SPHKAP: variants seen among roughly 807,000 people sequenced by gnomAD.
SPHKAP encodes A-kinase anchor protein SPHKAP.
SPHKAP carries 67 observed loss-of-function variants against 137.5 expected under a neutral mutation model. The ratio of observed to expected loss-of-function variants is 0.49; its 90% confidence interval spans 0.40 to 0.60. The LOEUF is 0.60. Ranked by LOEUF, SPHKAP falls within the 20% of genes least tolerant of loss-of-function variation. SPHKAP has a pLI of 0.00. For synonymous variants in SPHKAP, 813 were observed against 785.3 expected (o/e 1.04, Z -0.59); for missense variants, 2,097 against 2,069.3 (o/e 1.01, Z -0.26).
chr2:228,050,009 C>T (rs1337951920), intron 3 of SPHKAP, among the ~76,000 whole-genome samples: 2 of 151,762 alleles, frequency 1.3e-5, no homozygotes, highest in African/African-American at 2.4e-5. Flanking sequence ...AACAAATAAC[C>T]CCATTAAAAA....
Position 228,092,490 on chromosome 2 carries a change from TGCCATATATATGTATAC to T in SPHKAP, c.246+16325_246+16341del, listed in dbSNP as rs1449955814. Among the ~76,000 whole-genome samples the T allele has an allele frequency of 6.1e-3, 385 of 62,800 alleles. 31 individuals are homozygous for T. The highest frequency in any genetic ancestry group is 0.022 in the African/African-American group (341 of 15,714). The allele number at this position is 62,800 out of a possible 152,430, so 41.2% of individuals were successfully genotyped here. A position where few individuals can be genotyped will look rare whatever the true frequency, so the allele number is the denominator to read the frequency against. ...TGCCATATATATGTATACATATATG[TGCCATATATATGTATAC>T]ATATATGTGCCATATATATGTATAC... On this transcript the variant is annotated intron_variant, in intron 3 of 11. Transcript: ENST00000392056.
At chr2:228,163,428 A>C (rs1700333253) in intron 1 of SPHKAP, among the ~76,000 whole-genome samples, 1 of 152,158 alleles carries the variant, frequency 6.6e-6, no homozygotes, top group African/African-American at 2.4e-5. Context: ...AATAGCTTTT[A>C]TGTTCACTAT....
intron 3 of SPHKAP, among the ~76,000 whole-genome samples, chr2:228,070,392 T>C (rs1274512000): frequency 6.6e-6 from 1 of 152,078 alleles, no homozygotes; most frequent in Non-Finnish European, 1.5e-5. Flanking sequence ...GCAGGCATAG[T>C]TGGTGTAACT....
At chr2:228,179,525 A>G (rs1169444310) in intron 1 of SPHKAP, among the ~76,000 whole-genome samples, 1 of 152,212 alleles carries the variant, frequency 6.6e-6, no homozygotes, top group Non-Finnish European at 1.5e-5. Flanking sequence ...GTTAATTTAC[A>G]TGATTAAGAA....
intron 3 of SPHKAP, among the ~76,000 whole-genome samples, chr2:228,048,997 G>A (rs975911476): frequency 2.0e-5 from 3 of 152,096 alleles, no homozygotes; most frequent in Non-Finnish European, 4.4e-5. Context: ...AACCTAGACC[G>A]GGAAAGGGAG....
At chr2:228,035,529 T>G (rs2106247781) in intron 3 of SPHKAP, among the ~76,000 whole-genome samples, 1 of 152,196 alleles carries the variant, frequency 6.6e-6, no homozygotes, top group African/African-American at 2.4e-5. Context: ...TGGAAAAAAC[T>G]ACTTTAAAGT....
chr2:228,132,388 G>T, intron 1 of SPHKAP: 1 of 225,668 alleles, frequency 4.4e-6, no homozygotes, highest in Non-Finnish European at 7.4e-6. Flanking sequence ...TCTTAAGCAA[G>T]CAGCTTTAAA....
intron 2 of SPHKAP, among the ~76,000 whole-genome samples, chr2:228,113,322 T>G (rs1271290774): frequency 6.6e-6 from 1 of 152,142 alleles, no homozygotes; most frequent in Non-Finnish European, 1.5e-5. Flanking sequence ...TTATCTGAAT[T>G]AAATTTCTAG....
At chr2:228,162,035 A>T (rs1435194186) in intron 1 of SPHKAP, among the ~76,000 whole-genome samples, 1 of 152,234 alleles carries the variant, frequency 6.6e-6, no homozygotes, top group Non-Finnish European at 1.5e-5. Context: ...GTCAATAGAA[A>T]ATAGAAGGCA....
rs748918142 is a variant in SPHKAP, at chr2:228,019,504, G to A, written c.1350C>T (p.Ile450=). ...VSRSWNELPK[I]VVVQSPDGSD... ...TGCCATCTGGACTCTGAACAACGACGATTTTGGGGAGCTCATTCCATGACC... is the reference window on the plus strand; with the variant it reads ...TGCCATCTGGACTCTGAACAACGACAATTTTGGGGAGCTCATTCCATGACC... Residue 450 remains isoleucine, a synonymous_variant, in exon 7 of 12, where the codon ATC becomes ATT. Transcript: ENST00000392056. 6.2e-6 allele frequency: 10 copies of A among 1,614,146 alleles called. No homozygotes were observed. Among genetic ancestry groups the A allele is most frequent in the East Asian group, 4.5e-5 (2 of 44,870 alleles).
intron 1 of SPHKAP, among the ~76,000 whole-genome samples, chr2:228,164,823 T>A (rs1294525642): frequency 6.6e-6 from 1 of 152,200 alleles, no homozygotes; most frequent in Non-Finnish European, 1.5e-5. Context: ...CTCTTCCTCA[T>A]GAGAATGCAC....
intron 7 of SPHKAP, among the ~76,000 whole-genome samples, chr2:228,011,373 G>A (rs1694360284): frequency 6.6e-6 from 1 of 152,086 alleles, no homozygotes; most frequent in South Asian, 2.1e-4. Flanking sequence ...CTCATTTCCT[G>A]GTTTCCACTA....
At chr2:228,151,105 C>T (rs1699915248) in intron 1 of SPHKAP, among the ~76,000 whole-genome samples, 1 of 145,788 alleles carries the variant, frequency 6.9e-6, no homozygotes, top group Non-Finnish European at 1.5e-5. Flanking sequence ...CACCACAGTC[C>T]CCAGAGTGTG....
chr2:228,063,571 C>T (rs1020667135), intron 3 of SPHKAP, among the ~76,000 whole-genome samples: 11 of 152,152 alleles, frequency 7.2e-5, no homozygotes, highest in Non-Finnish European at 4.4e-5. Context: ...AAAGTTGTAA[C>T]TGGACAATAT....
intron 4 of SPHKAP, among the ~76,000 whole-genome samples, 154 bp from the exon 5 acceptor site, chr2:228,025,682 G>T (rs189306228): frequency 6.6e-6 from 1 of 152,196 alleles, no homozygotes; most frequent in East Asian, 1.9e-4. Flanking sequence ...TTTATAAAAT[G>T]GAAGCATGCA....
chr2:228,181,174 G>A lies in SPHKAP; in HGVS notation c.32+393C>T, dbSNP rs375262451. The stretch of plus-strand genomic sequence containing the variant: ...AAGCGGGGGTACTTTGCCCTAGCCC[G>A]GTTCCCTCCTGTTTTAGACCTTGGA... On this transcript the variant is annotated intron_variant, in intron 1 of 11. Coordinates refer to ENST00000392056, the MANE Select transcript of SPHKAP (RefSeq NM_001142644.2). The surrounding 1 kb of genome is among the most constrained non-coding windows in gnomAD (Gnocchi z 4.3). Among the ~76,000 whole-genome samples the A allele has an allele frequency of 9.2e-5, 14 of 152,136 alleles. No individual in the cohort carries two copies. The highest frequency in any genetic ancestry group is 2.1e-4 in the Non-Finnish European group (14 of 68,020).
At chr2:228,095,407 G>A (rs992724782) in intron 3 of SPHKAP, among the ~76,000 whole-genome samples, 1 of 152,096 alleles carries the variant, frequency 6.6e-6, no homozygotes, top group Admixed American at 6.6e-5. Flanking sequence ...TCAGGTTAGA[G>A]ACAAAAAAGT....
chr2:228,036,876 C>A (rs1273668830), intron 3 of SPHKAP, among the ~76,000 whole-genome samples: 1 of 151,508 alleles, frequency 6.6e-6, no homozygotes, highest in Non-Finnish European at 1.5e-5. Flanking sequence ...CACTCTGGGG[C>A]CTGTTGTGGG....
intron 1 of SPHKAP, among the ~76,000 whole-genome samples, chr2:228,143,031 C>T (rs1401452859): frequency 6.6e-6 from 1 of 152,024 alleles, no homozygotes; most frequent in Non-Finnish European, 1.5e-5. Flanking sequence ...AAGACTTACA[C>T]ACTGAGATAT....
Sources: gnomAD v4.1 joint callset for allele counts (sites outside exome capture counted in the v4.1 genomes callset) on GRCh38, gnomAD v4.1.1 for gene constraint, Gnocchi (gnomAD v3.1) non-coding constraint, MANE v1.5 for transcripts, NCBI Gene and HGNC (gene_info 2026-07-23, HGNC 2026-07-21) for gene names.